EDC3: variants seen among roughly 807,000 people sequenced by gnomAD.
The protein encoded by EDC3 is enhancer of mRNA decapping 3, also known as enhancer of mRNA-decapping protein 3.
In EDC3, 20 loss-of-function variants were observed where a neutral mutation model predicts 41.8. That is an observed-to-expected ratio of 0.48 (90% CI 0.34 to 0.70). EDC3 has a LOEUF of 0.70. EDC3 is among the 30% of genes least tolerant of loss of function. The pLI, the probability that EDC3 is intolerant of heterozygous loss-of-function variation, is 0.01. For synonymous variants in EDC3, 206 were observed against 243.2 expected, an observed-to-expected ratio of 0.85 and a Z score of 1.42; for missense variants, 444 against 636.8, an observed-to-expected ratio of 0.70 and a Z score of 3.26.
intron 1 of EDC3, among the ~76,000 whole-genome samples, chr15:74,678,287 C>A (rs1009539272): frequency 2.0e-5 from 3 of 151,986 alleles, no homozygotes; most frequent in African/African-American, 7.3e-5. Context: ...CAAACACGAC[C>A]GTGGTGTGGA....
At position 74,672,201 on chromosome 15, in the gene EDC3, G is replaced by A. The variant is rs2062747146; in HGVS notation, c.165-427C>T. Among the ~76,000 whole-genome samples the A allele has an allele frequency of 5.3e-5, 8 of 149,824 alleles. No individual in the cohort carries two copies. The South Asian group carries it at 1.5e-3, about 28-fold the overall frequency. On this transcript the variant is annotated intron_variant, in intron 2 of 6. Coordinates refer to ENST00000315127, the MANE Select transcript of EDC3 (RefSeq NM_025083.5). ...GGAGAATGGCGTGAACCCGGGAGGC[G>A]GAGCTTGCAGTGAGCCGAGATCCCG... is the stretch of plus-strand genomic sequence containing the variant.
chr15:74,692,328 A>C (rs2063017105), intron 1 of EDC3, among the ~76,000 whole-genome samples: 1 of 152,232 alleles, frequency 6.6e-6, no homozygotes. Flanking sequence ...GATAAAAATG[A>C]CCAAAACTAA....
chr15:74,650,950 A>G (rs1264906068), intron 4 of EDC3, among the ~76,000 whole-genome samples: 2 of 152,194 alleles, frequency 1.3e-5, no homozygotes, highest in Non-Finnish European at 2.9e-5. Flanking sequence ...GTGAGCTGAT[A>G]CTGCACTACT....
chr15:74,677,447 C>T (rs982138909), intron 1 of EDC3, among the ~76,000 whole-genome samples: 5 of 149,384 alleles, frequency 3.3e-5, no homozygotes, highest in African/African-American at 1.2e-4. Flanking sequence ...CAGCTCATTG[C>T]AGCCTCTGCC....
intron 6 of EDC3, 86 bp from the exon 7 acceptor site, chr15:74,633,032 T>G (rs1440952741): frequency 8.7e-6 from 12 of 1,383,710 alleles, no homozygotes; most frequent in Non-Finnish European, 8.9e-6. Flanking sequence ...ACCCCAAGGG[T>G]GTCTTTGTTT....
chr15:74,682,371 C>A (rs1226329020), intron 1 of EDC3, among the ~76,000 whole-genome samples: 1 of 151,984 alleles, frequency 6.6e-6, no homozygotes, highest in African/African-American at 2.4e-5. Flanking sequence ...GTAATCTCAG[C>A]ACTTTGAGAG....
chr15:74,691,556 T>C (rs1041678948), intron 1 of EDC3, among the ~76,000 whole-genome samples: 1 of 152,200 alleles, frequency 6.6e-6, no homozygotes, highest in Non-Finnish European at 1.5e-5. Context: ...AATCAAGTCC[T>C]GGTCTTTACA....
intron 1 of EDC3, among the ~76,000 whole-genome samples, chr15:74,684,343 G>C (rs914966394): frequency 6.6e-6 from 1 of 151,534 alleles, no homozygotes; most frequent in African/African-American, 2.4e-5. Context: ...GCTAATTTTT[G>C]TATTTTTTGT....
Position 74,671,636 on chromosome 15 carries a change from G to A in EDC3, c.303C>T (p.Gly101=), listed in dbSNP as rs1416255611. The stretch of plus-strand genomic sequence containing the variant: ...AAGAGGCTGGCTTCTTGACAAACTT[G>A]CCTGTGCCATTCTGATTGATGCCCA... ...CQVGINQNGT[G]KFVKKPASSS... is the part of the protein sequence containing the mutation. Residue 101 remains glycine (G), a synonymous_variant, in exon 3 of 7, where the codon GGC becomes GGT. Transcript: ENST00000315127. This position sits in a 1 kb window ranked among gnomAD's most constrained non-coding sequence, Gnocchi z 4.6. The A allele has an allele frequency of 6.2e-7, 1 of 1,614,124 alleles. No individual in the cohort carries two copies. The highest frequency in any genetic ancestry group is 8.5e-7 in the Non-Finnish European group (1 of 1,180,036).
intron 3 of EDC3, among the ~76,000 whole-genome samples, chr15:74,660,461 AT>A (rs1416613800): frequency 6.6e-6 from 1 of 151,318 alleles, no homozygotes; most frequent in African/African-American, 2.4e-5. Context: ...GTATATGAAA[AT>A]ATATGCATAT....
intron 1 of EDC3, among the ~76,000 whole-genome samples, chr15:74,693,270 A>G (rs148246870): frequency 3.3e-5 from 5 of 152,222 alleles, no homozygotes; most frequent in Non-Finnish European, 7.3e-5. Flanking sequence ...TGATTAAAAC[A>G]TCACATCTTT....
chr15:74,640,425 C>G (rs768547429), intron 5 of EDC3, 41 bp downstream of exon 5: 1 of 1,607,452 alleles, frequency 6.2e-7, no homozygotes, highest in African/African-American at 1.3e-5. Flanking sequence ...GCAGAGCATC[C>G]TTACTCCACA....
At chr15:74,674,794 T>C in intron 2 of EDC3, 167 bp downstream of exon 2, 1 of 732,498 alleles carries the variant, frequency 1.4e-6, no homozygotes, top group Non-Finnish European at 2.2e-6. Context: ...ACGGGCAGAT[T>C]ACTTGAGGCC....
At chr15:74,650,434 T>C (rs912280211) in intron 4 of EDC3, among the ~76,000 whole-genome samples, 10 of 152,190 alleles carry the variant, frequency 6.6e-5, no homozygotes, top group Admixed American at 6.5e-4. Context: ...TCTTTCTCTC[T>C]GCCTGGTGAA....
chr15:74,675,346 T>A (rs1341329896), intron 1 of EDC3, among the ~76,000 whole-genome samples: 1 of 151,954 alleles, frequency 6.6e-6, no homozygotes, highest in Non-Finnish European at 1.5e-5. Context: ...TTAATACATA[T>A]AAAGATCTTA....
chr15:74,672,506 G>A (rs2062751282), intron 2 of EDC3, among the ~76,000 whole-genome samples: 1 of 152,032 alleles, frequency 6.6e-6, no homozygotes. Flanking sequence ...GAAAAGACAA[G>A]TACATATTCA....
chr15:74,665,027 A>C (rs770448920), intron 3 of EDC3, among the ~76,000 whole-genome samples: 6 of 152,110 alleles, frequency 3.9e-5, no homozygotes, highest in Non-Finnish European at 7.4e-5. Flanking sequence ...CCAGCTATCT[A>C]CTTTGTTTGT....
intron 1 of EDC3, among the ~76,000 whole-genome samples, chr15:74,685,076 T>C (rs2062920037): frequency 6.6e-6 from 1 of 152,126 alleles, no homozygotes; most frequent in South Asian, 2.1e-4. Context: ...AATCAATCAC[T>C]ATATGAATTA....
At chr15:74,654,971 C>G (rs545054942) in intron 4 of EDC3, among the ~76,000 whole-genome samples, 1 of 152,166 alleles carries the variant, frequency 6.6e-6, no homozygotes, top group Non-Finnish European at 1.5e-5. Context: ...CCCTTTAGCT[C>G]TTAGGATCAT....
Sources: gnomAD v4.1 joint callset for allele counts (sites outside exome capture counted in the v4.1 genomes callset) on GRCh38, gnomAD v4.1.1 for gene constraint, Gnocchi (gnomAD v3.1) non-coding constraint, MANE v1.5 for transcripts, NCBI Gene and HGNC (gene_info 2026-07-23, HGNC 2026-07-21) for gene names.